The following SLFN11 variants were observed in gnomAD, a reference collection of about 807,000 sequenced individuals.
The protein encoded by SLFN11 is schlafen family member 11.
SLFN11 carries 43 observed loss-of-function variants against 53.4 expected under a neutral mutation model. The observed-to-expected ratio is 0.80, with a 90% CI of 0.63 to 1.04. The LOEUF is 1.04. Ranked by LOEUF, SLFN11 falls within the 50% of genes least tolerant of loss-of-function variation. SLFN11 has a pLI of 0.00. For missense variants in SLFN11, 990 were observed against 1,079.1 expected (o/e 0.92, Z 1.16); for synonymous variants, 389 against 394.7 (o/e 0.99, Z 0.17).
chr17:35,367,557 CA>C (rs1909105626), intron 2 of SLFN11, 45 bp downstream of exon 2: 1 of 152,110 alleles, frequency 6.6e-6, no homozygotes, highest in Admixed American at 6.5e-5. Context: ...ACTTCAGAAA[CA>C]AAAGCACCTG....
rs147751182 is a variant in SLFN11, at chr17:35,361,752, C to CT, written c.1069+986dup. Among the ~76,000 whole-genome samples, 127 of 148,170 alleles carry CT rather than the reference C, an allele frequency of 8.6e-4. 1 individual carries two copies. The highest frequency in any genetic ancestry group is 2.6e-3 in the African/African-American group (104 of 40,338). On this transcript the variant is annotated intron_variant, in intron 4 of 6. Transcript: ENST00000685675. ...TGATAGCAAACTTCAATGCAAAGGG[C>CT]TTTTTTTTTTGAGACAGAGTCTCGC...
Position 35,363,409 on chromosome 17 carries a change from G to C in SLFN11, c.399C>G (p.Tyr133Ter), listed in dbSNP as rs151038553. ...AACGCACAGAGGTCTCAGATCTACGGTATAATGAAGAACTGAGGCTGCAAA... is the reference window on the plus strand; with the variant it reads ...AACGCACAGAGGTCTCAGATCTACGCTATAATGAAGAACTGAGGCTGCAAA... ...PRLCSLSSSL[Y>*]RRSETSVRSM... The change falls in exon 4 of 7, where the codon TAC becomes TAG. Residue 133 changes from tyrosine (Y) to a stop codon, truncating the protein, a stop_gained. Coordinates refer to ENST00000685675, the MANE Select transcript of SLFN11 (RefSeq NM_001376007.1). LOFTEE classifies it high-confidence loss of function. The C allele has an allele frequency of 7.1e-5, 114 of 1,613,812 alleles. No individual in the cohort carries two copies. In the South Asian group the frequency reaches 1.3e-3, roughly 18 times the overall value.
At chr17:35,364,411 A>G (rs1211344244) in intron 3 of SLFN11, among the ~76,000 whole-genome samples, 1 of 152,128 alleles carries the variant, frequency 6.6e-6, no homozygotes, top group African/African-American at 2.4e-5. Flanking sequence ...ATAATGAAAA[A>G]CTGAGGCTGC....
chr17:35,370,168 T>C (rs1909469880), intron 1 of SLFN11, among the ~76,000 whole-genome samples: 1 of 152,154 alleles, frequency 6.6e-6, no homozygotes. Flanking sequence ...GATGCAAGGA[T>C]GGTTCAACGT....
intron 3 of SLFN11, among the ~76,000 whole-genome samples, chr17:35,366,024 G>A (rs994381702): frequency 2.6e-5 from 4 of 152,060 alleles, no homozygotes; most frequent in African/African-American, 9.7e-5. Context: ...AGGTGGGTGG[G>A]ACATAAATTT....
Position 35,372,634 on chromosome 17 carries a change from T to C in SLFN11, c.-235+840A>G, listed in dbSNP as rs966206660. On this transcript the variant is annotated intron_variant, in intron 1 of 6. Coordinates refer to ENST00000685675, the MANE Select transcript of SLFN11 (RefSeq NM_001376007.1). ...AAAATAAAATAAAAACTAATGAGCA[T>C]AATTGGATTGTTGGTAACACAAAGG... Among the ~76,000 whole-genome samples the C allele has an allele frequency of 2.6e-5, 4 of 152,056 alleles. No homozygotes were observed. In the East Asian group the frequency reaches 5.8e-4, roughly 22 times the overall value.
intron 1 of SLFN11, among the ~76,000 whole-genome samples, chr17:35,370,720 C>A (rs1909539671): frequency 6.6e-6 from 1 of 151,806 alleles, no homozygotes; most frequent in Non-Finnish European, 1.5e-5. Context: ...ATCCCACTTA[C>A]AATAGCCACA....
intron 6 of SLFN11, 70 bp from the exon 7 acceptor site, chr17:35,353,209 T>C: frequency 1.9e-6 from 3 of 1,591,784 alleles, no homozygotes; most frequent in Non-Finnish European, 1.7e-6. Context: ...TTGTATCATG[T>C]TCCTCCGAGC....
rs1387105270 is a variant in SLFN11, at chr17:35,369,887, A to G, written c.-234-2187T>C. On this transcript the variant is annotated intron_variant, in intron 1 of 6. Coordinates refer to ENST00000685675, the MANE Select transcript of SLFN11 (RefSeq NM_001376007.1). ...AGCCATAATAAAAAGTCTCCAGCAAAGAAAAGTCTGGGACCCGATGGCTTC... is the reference window on the plus strand; with the variant it reads ...AGCCATAATAAAAAGTCTCCAGCAAGGAAAAGTCTGGGACCCGATGGCTTC... 2.0e-5 allele frequency among the ~76,000 whole-genome samples: 3 copies of G among 152,134 alleles called. 1 individual carries two copies. Among genetic ancestry groups the G allele is most frequent in the Non-Finnish European group, 4.4e-5 (3 of 68,012 alleles).
chr17:35,369,524 G>A (rs1909393892), intron 1 of SLFN11, among the ~76,000 whole-genome samples: 1 of 152,062 alleles, frequency 6.6e-6, no homozygotes, highest in Non-Finnish European at 1.5e-5. Context: ...CCCACCTAGG[G>A]CCTGGGGGAA....
intron 3 of SLFN11, among the ~76,000 whole-genome samples, chr17:35,366,035 T>C (rs1244194512): frequency 6.6e-6 from 1 of 152,140 alleles, no homozygotes; most frequent in Non-Finnish European, 1.5e-5. Flanking sequence ...ACATAAATTT[T>C]TGTTGTTTTC....
Position 35,363,424 on chromosome 17 carries a change from G to C in SLFN11, c.384C>G (p.Leu128=). Residue 128 remains leucine (L), a synonymous_variant, in exon 4 of 7, where the codon CTC becomes CTG. Coordinates refer to ENST00000685675, the MANE Select transcript of SLFN11 (RefSeq NM_001376007.1). ...CAGATCTACGGTATAATGAAGAACT[G>C]AGGCTGCAAAGGCGGGGCTTGACAG... ...DRSVKPRLCS[L]SSSLYRRSET... is the part of the protein sequence containing the mutation. 1 of 1,613,940 alleles carries C rather than the reference G, an allele frequency of 6.2e-7. No homozygotes were observed. Among genetic ancestry groups the C allele is most frequent in the Non-Finnish European group, 8.5e-7 (1 of 1,179,964 alleles).
At position 35,363,424 on chromosome 17, in the gene SLFN11, G is replaced by A. The variant is rs892840336; in HGVS notation, c.384C>T (p.Leu128=). The change falls in exon 4 of 7, where the codon CTC becomes CTT. Residue 128 remains leucine (L), a synonymous_variant. Transcript: ENST00000685675. ...DRSVKPRLCS[L]SSSLYRRSET... ...CAGATCTACGGTATAATGAAGAACT[G>A]AGGCTGCAAAGGCGGGGCTTGACAG... is the stretch of plus-strand genomic sequence containing the variant. 1.1e-5 allele frequency: 17 copies of A among 1,613,822 alleles called. No individual in the cohort carries two copies. Among genetic ancestry groups the A allele is most frequent in the Non-Finnish European group, 1.4e-5 (16 of 1,179,972 alleles).
Position 35,373,529 on chromosome 17 carries a change from G to A in SLFN11, c.-290C>T, listed in dbSNP as rs901183451. 1 of 151,768 alleles carries A rather than the reference G, an allele frequency of 6.6e-6. No homozygotes were observed. Among genetic ancestry groups the A allele is most frequent in the South Asian group, 2.1e-4 (1 of 4,806 alleles). 9.4% of individuals were successfully genotyped at this position (151,768 alleles called of 1,614,324 possible). On this transcript the variant is annotated 5_prime_UTR_variant, in exon 1 of 7. Coordinates refer to ENST00000685675, the MANE Select transcript of SLFN11 (RefSeq NM_001376007.1). ...TCGGCTGGGCTAGACCCTGAAGCAC[G>A]GGTAGAAACGCAACTCCGGAGTCCC... is the stretch of plus-strand genomic sequence containing the variant.
rs906517816 is a variant in SLFN11, at chr17:35,350,318, A to C, written c.*2038T>G. 1 of 152,148 alleles carries C rather than the reference A, an allele frequency of 6.6e-6. No individual in the cohort carries two copies. Among genetic ancestry groups the C allele is most frequent in the African/African-American group, 2.4e-5 (1 of 41,420 alleles). The allele number at this position is 152,148 out of a possible 1,614,324, so 9.4% of individuals were successfully genotyped here. ...TTTACAAGACCATTTTTTTCAGTTT[A>C]ATGAGACACAAACTCTCAACTTTTT... On this transcript the variant is annotated 3_prime_UTR_variant, in exon 7 of 7. Transcript: ENST00000685675.
chr17:35,358,878 C>A (rs114772209), intron 5 of SLFN11, among the ~76,000 whole-genome samples: 3 of 151,882 alleles, frequency 2.0e-5, no homozygotes, highest in African/African-American at 7.2e-5. Context: ...TAGGGCTGGG[C>A]ACAGTAGCTC....
intron 4 of SLFN11, among the ~76,000 whole-genome samples, chr17:35,361,892 G>A (rs903441030): frequency 5.3e-5 from 8 of 151,808 alleles, no homozygotes; most frequent in African/African-American, 1.9e-4. Context: ...CCACAGGCAC[G>A]CACCACCACG....
rs976366013 is a variant in SLFN11, at chr17:35,353,862, G to A, written c.1396C>T (p.Gln466Ter). Residue 466 changes from glutamine (Q) to a stop codon, truncating the protein, a stop_gained, in exon 6 of 7, where the codon CAG becomes TAG. Transcript: ENST00000685675. LOFTEE classifies it high-confidence loss of function. ...GTGTAGAGAATGGGGGTGCTGTTCT[G>A]TGCTATCAGCAGAGCATCACAGATG... ...GVICDALLIA[Q>*]NSTPILYTIL... The A allele has an allele frequency of 6.2e-6, 10 of 1,608,138 alleles. No individual in the cohort carries two copies. Among genetic ancestry groups the A allele is most frequent in the Non-Finnish European group, 8.5e-6 (10 of 1,176,714 alleles).
chr17:35,356,715 T>C (rs2141941220), intron 5 of SLFN11, among the ~76,000 whole-genome samples: 1 of 152,042 alleles, frequency 6.6e-6, no homozygotes, highest in Admixed American at 6.5e-5. Context: ...GCCCTTGAGT[T>C]TTCCCTCCAG....
Sources: gnomAD v4.1 joint callset for allele counts (sites outside exome capture counted in the v4.1 genomes callset) on GRCh38, gnomAD v4.1.1 for gene constraint, MANE v1.5 for transcripts, NCBI Gene and HGNC (gene_info 2026-07-23, HGNC 2026-07-21) for gene names.